Variants in CELF2 observed in about 807,000 individuals in gnomAD.
CELF2 encodes CUGBP Elav-like family member 2, also known as CUG triplet repeat RNA-binding protein 2.
In CELF2, 8 loss-of-function variants were observed where a neutral mutation model predicts 62.6. That is an observed-to-expected ratio of 0.13 (90% CI 0.07 to 0.23). CELF2 has a LOEUF of 0.23. Ranked by LOEUF, CELF2 falls within the 10% of genes least tolerant of loss-of-function variation. The pLI is 1.00. For synonymous variants in CELF2, 258 were observed against 250.0 expected (o/e 1.03, Z -0.30); for missense variants, 333 against 671.0 (o/e 0.50, Z 5.56).
the CELF2 span, among the ~76,000 whole-genome samples, chr10:10,516,651 T>G: frequency 6.6e-6 from 1 of 152,000 alleles, no homozygotes. Context: ...AATTGCTGGC[T>G]TAATTACCCT....
chr10:10,592,798 A>G, the CELF2 span, among the ~76,000 whole-genome samples: 2 of 152,142 alleles, frequency 1.3e-5, no homozygotes, highest in Non-Finnish European at 2.9e-5. Flanking sequence ...AAGGGAAGAA[A>G]GCATGGGGGC....
Position 11,321,492 on chromosome 10 carries a change from G to A in CELF2, c.1294+106G>A. 3 of 846,344 alleles carry A rather than the reference G, an allele frequency of 3.5e-6. No homozygotes were observed. The highest frequency in any genetic ancestry group is 5.3e-6 in the Non-Finnish European group (3 of 564,132). The allele number at this position is 846,344 out of a possible 1,614,324, so 52.4% of individuals were successfully genotyped here. ...ATTGAACTGAACCCATGTCATAACAGAAAGCAGTTGTTTTGTTATTCATGT... is the reference window on the plus strand; with the variant it reads ...ATTGAACTGAACCCATGTCATAACAAAAAGCAGTTGTTTTGTTATTCATGT... On this transcript the variant is annotated intron_variant, in intron 11 of 12. Transcript: ENST00000633077. This position sits in a 1 kb window ranked among gnomAD's most constrained non-coding sequence, Gnocchi z 6.2.
chr10:10,641,431 T>G, the CELF2 span, among the ~76,000 whole-genome samples: 2 of 150,918 alleles, frequency 1.3e-5, no homozygotes, highest in East Asian at 1.9e-4. Flanking sequence ...GCTACAGAGG[T>G]TTTTTTTTGT....
At chr10:10,649,379 C>A in the CELF2 span, among the ~76,000 whole-genome samples, 1 of 152,108 alleles carries the variant, frequency 6.6e-6, no homozygotes, top group East Asian at 1.9e-4. Flanking sequence ...TCAATATTAC[C>A]AAACTCAGGT....
the CELF2 span, among the ~76,000 whole-genome samples, chr10:10,683,529 G>A: frequency 3.3e-5 from 5 of 152,316 alleles, no homozygotes; most frequent in African/African-American, 1.2e-4. Context: ...GTGAGCAGAA[G>A]TGATTTCTGA....
chr10:10,657,234 T>A, the CELF2 span, among the ~76,000 whole-genome samples: 1 of 152,080 alleles, frequency 6.6e-6, no homozygotes, highest in African/African-American at 2.4e-5. Flanking sequence ...AGTAGATGAG[T>A]GACTGGTAGC....
At chr10:10,717,655 A>G in the CELF2 span, among the ~76,000 whole-genome samples, 1 of 152,214 alleles carries the variant, frequency 6.6e-6, no homozygotes, top group African/African-American at 2.4e-5. Flanking sequence ...AAAATGCAGG[A>G]AGAATTTATC....
chr10:11,117,333 G>T lies in CELF2; in HGVS notation c.75-48153G>T, dbSNP rs1749989605. On this transcript the variant is annotated intron_variant, in intron 1 of 12. Coordinates refer to ENST00000633077, the MANE Select transcript of CELF2 (RefSeq NM_001326342.2). The surrounding 1 kb of genome is among the most constrained non-coding windows in gnomAD (Gnocchi z 4.1). ...GAGTTGCTTTCTTCATTCAACGGGT[G>T]TAACAATATAAATCCTGCTGATTTC... Among the ~76,000 whole-genome samples the T allele has an allele frequency of 6.6e-6, 1 of 152,204 alleles. No homozygotes were observed. Among genetic ancestry groups the T allele is most frequent in the Admixed American group, 6.5e-5 (1 of 15,288 alleles).
Position 11,154,560 on chromosome 10 carries a change from C to T in CELF2, c.75-10926C>T, listed in dbSNP as rs537192372. Among the ~76,000 whole-genome samples the T allele has an allele frequency of 3.9e-5, 6 of 152,280 alleles. No homozygotes were observed. The East Asian group carries it at 5.8e-4, about 15-fold the overall frequency. Reference sequence around the variant, plus strand: ...GTTTTGAGATTGTCAGAGAGGCGCACGTTTGAACTGCTGTCGAGGAATTCA... The same window carrying T: ...GTTTTGAGATTGTCAGAGAGGCGCATGTTTGAACTGCTGTCGAGGAATTCA... On this transcript the variant is annotated intron_variant, in intron 1 of 12. Coordinates refer to ENST00000633077, the MANE Select transcript of CELF2 (RefSeq NM_001326342.2).
the CELF2 span, among the ~76,000 whole-genome samples, chr10:10,734,763 G>A: frequency 6.6e-6 from 1 of 152,124 alleles, no homozygotes; most frequent in Non-Finnish European, 1.5e-5. Flanking sequence ...TAAGCATATG[G>A]CCCTTTCTAA....
the CELF2 span, among the ~76,000 whole-genome samples, chr10:10,696,708 C>T: frequency 7.9e-5 from 12 of 152,088 alleles, no homozygotes; most frequent in South Asian, 4.2e-4. Context: ...TCTCGTGGTG[C>T]GCCGTTTTTT....
At chr10:11,123,066 A>G (rs2058067055) in intron 1 of CELF2, among the ~76,000 whole-genome samples, 1 of 151,158 alleles carries the variant, frequency 6.6e-6, no homozygotes, top group Non-Finnish European at 1.5e-5. Flanking sequence ...GTACATCCAT[A>G]GTTTTCCAGT....
chr10:11,205,396 A>G (rs781097143), intron 2 of CELF2, among the ~76,000 whole-genome samples: 2 of 152,242 alleles, frequency 1.3e-5, no homozygotes, highest in Non-Finnish European at 2.9e-5. Flanking sequence ...TCAGCGCTCT[A>G]TGGAGAAACA....
In CELF2 at chr10:11,075,515, T is replaced by C. The variant is rs2071596968; in HGVS notation, c.74+57352T>C. Among the ~76,000 whole-genome samples, 1 of 152,138 alleles carries C rather than the reference T, an allele frequency of 6.6e-6. No individual in the cohort carries two copies. The highest frequency in any genetic ancestry group is 6.5e-5 in the Admixed American group (1 of 15,278). ...ATTCCCAAAACCGGTATGTTGAAGG[T>C]GTTTTATTCTATCTGCAAAGAGCTC... On this transcript the variant is annotated intron_variant, in intron 1 of 12. Transcript: ENST00000633077. The surrounding 1 kb of genome is among the most constrained non-coding windows in gnomAD (Gnocchi z 5.4).
chr10:10,570,651 C>A, the CELF2 span, among the ~76,000 whole-genome samples: 1 of 151,656 alleles, frequency 6.6e-6, no homozygotes, highest in Non-Finnish European at 1.5e-5. Context: ...ATATATTTGC[C>A]ACAATGTAAG....
At chr10:10,798,592 C>T, upstream of CELF2, 1 of 395,780 alleles carries the variant, frequency 2.5e-6, no homozygotes, top group Middle Eastern at 6.4e-4. Context: ...CGGAGGAGAG[C>T]GCAGGATTGA....
intron 3 of CELF2, among the ~76,000 whole-genome samples, chr10:11,240,893 C>A (rs1029886329): frequency 6.6e-6 from 1 of 152,132 alleles, no homozygotes; most frequent in Non-Finnish European, 1.5e-5. Flanking sequence ...ACATGACAGG[C>A]GGCGTGGGGT....
chr10:11,150,603 C>T (rs1265249723), intron 1 of CELF2, among the ~76,000 whole-genome samples: 1 of 152,234 alleles, frequency 6.6e-6, no homozygotes, highest in Admixed American at 6.5e-5. Flanking sequence ...TCCAGATCAG[C>T]AGTTGAGCTG....
At chr10:11,208,722 G>A (rs147879801) in intron 2 of CELF2, among the ~76,000 whole-genome samples, 7 of 152,310 alleles carry the variant, frequency 4.6e-5, no homozygotes, top group African/African-American at 1.4e-4. Flanking sequence ...TTGGGGAAAC[G>A]GGGTTCTGGT....
Sources: allele counts gnomAD v4.1 joint callset (sites outside exome capture counted in the v4.1 genomes callset), GRCh38; gene constraint gnomAD v4.1.1; non-coding constraint Gnocchi (gnomAD v3.1); transcripts MANE v1.5; gene names NCBI Gene and HGNC (gene_info 2026-07-23, HGNC 2026-07-21).